The following CFAP206 variants were observed in gnomAD, a reference collection of about 807,000 sequenced individuals.
The protein encoded by CFAP206 is cilia- and flagella-associated protein 206.
Under a neutral mutation model 65.4 loss-of-function variants are expected in CFAP206, and 53 were observed. The ratio of observed to expected loss-of-function variants is 0.81; its 90% CI spans 0.65 to 1.02. The LOEUF (loss-of-function observed/expected upper bound fraction) is 1.02, where lower values mean the gene tolerates loss of function less well. Among genes scored for constraint, CFAP206 ranks in the 50% least tolerant of loss-of-function variants. The probability of loss-of-function intolerance (pLI) is 0.00; values close to 1 mark genes in which losing one functional copy is unlikely to be tolerated. For synonymous variants in CFAP206, 250 were observed against 254.4 expected (o/e 0.98, Z 0.17); for missense variants, 663 against 753.2 (o/e 0.88, Z 1.40).
In CFAP206 at chr6:87,428,764, C is replaced by T. The variant is rs932840036; in HGVS notation, c.1099C>T (p.Gln367Ter). Reference protein sequence around the residue: ...HELYFPERVMQCHLNGATVKT... With the variant: ...HELYFPERVM ...ACTATACTTTCCTGAGAGAGTGATG[C>T]AATGTCATCTTAATGGAGCGACTGT... Residue 367 changes from glutamine to a stop codon, truncating the protein, a stop_gained, in exon 9 of 13, where the codon CAA becomes TAA. Coordinates refer to ENST00000369562, the MANE Select transcript of CFAP206 (RefSeq NM_001031743.3). LOFTEE classifies it high-confidence loss of function. 7 of 1,613,886 alleles carry T rather than the reference C, an allele frequency of 4.3e-6. No homozygotes were observed. The highest frequency in any genetic ancestry group is 1.3e-5 in the African/African-American group (1 of 74,908).
At chr6:87,428,564 G>A in intron 8 of CFAP206, 62 bp from the exon 9 acceptor site, 3 of 1,423,446 alleles carry the variant, frequency 2.1e-6, no homozygotes, top group Non-Finnish European at 3.0e-6. Flanking sequence ...ATCTTAAAGA[G>A]TACAGTGATT....
intron 7 of CFAP206, among the ~76,000 whole-genome samples, chr6:87,422,442 C>T (rs1767956463): frequency 7.3e-6 from 1 of 136,786 alleles, no homozygotes; most frequent in Non-Finnish European, 1.6e-5. Flanking sequence ...GAGAGCGAAA[C>T]TCCATCTCGA....
At chr6:87,446,860 T>C (rs1434646996) in intron 11 of CFAP206, among the ~76,000 whole-genome samples, 4 of 152,322 alleles carry the variant, frequency 2.6e-5, no homozygotes, top group African/African-American at 9.6e-5. Context: ...GTGTCTTCTC[T>C]GATTTCCTTG....
intron 11 of CFAP206, among the ~76,000 whole-genome samples, chr6:87,449,090 C>T (rs775073812): frequency 1.3e-5 from 2 of 152,022 alleles, no homozygotes; most frequent in Non-Finnish European, 2.9e-5. Flanking sequence ...ATACTATTTT[C>T]CATAATGGCT....
chr6:87,440,789 G>A (rs537935689), intron 11 of CFAP206, among the ~76,000 whole-genome samples: 27 of 152,302 alleles, frequency 1.8e-4, no homozygotes, highest in Admixed American at 1.6e-3. Context: ...CATCTAATGA[G>A]GATGAAAGTT....
chr6:87,408,484 GATCCGGAGCGCGCA>G (rs1767667476), intron 1 of CFAP206: 1 of 72,314 alleles, frequency 1.4e-5, no homozygotes, highest in Non-Finnish European at 2.9e-5. Flanking sequence ...CGCGCACACA[GATCCGGAGCGCGCA>G]CACAGATCCG....
rs572715394 is a variant in CFAP206 at position 87,446,042 on chromosome 6, T to A, written c.1494+10989T>A. 2.6e-5 allele frequency among the ~76,000 whole-genome samples: 4 copies of A among 152,352 alleles called. No individual in the cohort carries two copies. The East Asian group carries it at 7.7e-4, about 29-fold the overall frequency. On this transcript the variant is annotated intron_variant, in intron 11 of 12. Coordinates refer to ENST00000369562, the MANE Select transcript of CFAP206 (RefSeq NM_001031743.3). ...TTCATGTCCTTTGCCCACTTTTTAATGGAGTTGTTTGTTTTTCTCTTGCAA... is the reference window on the plus strand; with the variant it reads ...TTCATGTCCTTTGCCCACTTTTTAAAGGAGTTGTTTGTTTTTCTCTTGCAA...
At chr6:87,454,182 G>C (rs1225797163) in intron 11 of CFAP206, among the ~76,000 whole-genome samples, 3 of 152,076 alleles carry the variant, frequency 2.0e-5, no homozygotes, top group Non-Finnish European at 4.4e-5. Flanking sequence ...TTCAGCAAGA[G>C]GATTTAATAG....
intron 11 of CFAP206, among the ~76,000 whole-genome samples, chr6:87,457,008 C>T (rs907682869): frequency 2.0e-5 from 3 of 151,634 alleles, no homozygotes; most frequent in African/African-American, 7.3e-5. Context: ...AAATTAGCCA[C>T]GCGTGGTGGC....
intron 3 of CFAP206, among the ~76,000 whole-genome samples, chr6:87,413,025 C>G (rs2127947193): frequency 6.6e-6 from 1 of 151,326 alleles, no homozygotes; most frequent in South Asian, 2.1e-4. Flanking sequence ...TAATGAGGAA[C>G]TCTAGAAGAG....
chr6:87,430,504 C>A (rs1332012244), intron 9 of CFAP206, among the ~76,000 whole-genome samples: 1 of 152,172 alleles, frequency 6.6e-6, no homozygotes, highest in Non-Finnish European at 1.5e-5. Context: ...CTGCTCAGAA[C>A]CTTCTCTGTT....
chr6:87,458,173 G>A (rs928289095), intron 11 of CFAP206, among the ~76,000 whole-genome samples: 1 of 152,060 alleles, frequency 6.6e-6, no homozygotes, highest in African/African-American at 2.4e-5. Flanking sequence ...AGGCAATAAC[G>A]AATGCCGGTG....
intron 4 of CFAP206, among the ~76,000 whole-genome samples, chr6:87,415,032 A>G (rs1767801674): frequency 6.6e-6 from 1 of 152,148 alleles, no homozygotes; most frequent in African/African-American, 2.4e-5. Context: ...GTTGTCTTAT[A>G]GAGTCATTGC....
intron 10 of CFAP206, among the ~76,000 whole-genome samples, chr6:87,433,394 G>A (rs2127952555): frequency 6.6e-6 from 1 of 152,262 alleles, no homozygotes; most frequent in East Asian, 1.9e-4. Context: ...GAGTAAGACA[G>A]TGTTGCTCTT....
intron 6 of CFAP206, among the ~76,000 whole-genome samples, chr6:87,417,566 T>G (rs1311845614): frequency 6.6e-6 from 1 of 151,776 alleles, no homozygotes; most frequent in Non-Finnish European, 1.5e-5. Flanking sequence ...TTTTTTTTTT[T>G]TTTAATAACT....
chr6:87,420,394 A>G (rs149236904), intron 7 of CFAP206, among the ~76,000 whole-genome samples: 6 of 152,340 alleles, frequency 3.9e-5, no homozygotes, highest in African/African-American at 7.2e-5. Flanking sequence ...CCACCAACTA[A>G]GTCTTAAATT....
chr6:87,449,811 A>G (rs1768509408), intron 11 of CFAP206, among the ~76,000 whole-genome samples: 1 of 152,088 alleles, frequency 6.6e-6, no homozygotes, highest in Non-Finnish European at 1.5e-5. Context: ...TTTGCTGTGC[A>G]GAAGCTTTTT....
intron 7 of CFAP206, among the ~76,000 whole-genome samples, chr6:87,422,392 A>G (rs6454621): frequency 0.35 from 50,517 of 144,810 alleles, 9,408 homozygotes; most frequent in African/African-American, 0.51. Flanking sequence ...AGAGGTTGCA[A>G]TGAGCCAAGA....
intron 11 of CFAP206, among the ~76,000 whole-genome samples, chr6:87,452,463 T>C (rs1205888559): frequency 6.6e-6 from 1 of 152,088 alleles, no homozygotes; most frequent in Admixed American, 6.6e-5. Flanking sequence ...CAGGAAAACA[T>C]GACCTCACCA....
Sources: gnomAD v4.1 joint callset for allele counts (sites outside exome capture counted in the v4.1 genomes callset) on GRCh38, gnomAD v4.1.1 for gene constraint, MANE v1.5 for transcripts, NCBI Gene and HGNC (gene_info 2026-07-23, HGNC 2026-07-21) for gene names.